The following RFX2 variants were observed in gnomAD, a reference collection of about 807,000 sequenced individuals.
RFX2 encodes regulatory factor X2.
A neutral mutation model predicts 87.8 loss-of-function variants in RFX2; 20 were observed. The observed-to-expected ratio is 0.23, with a 90% CI of 0.16 to 0.33. The LOEUF (loss-of-function observed/expected upper bound fraction) is 0.33, where lower values mean the gene tolerates loss of function less well. RFX2 is among the 10% of genes least tolerant of loss of function. RFX2 has a pLI of 1.00. For missense variants in RFX2, 767 were observed against 1,012.3 expected, an observed-to-expected ratio of 0.76 and a Z score of 3.29; for synonymous variants, 397 against 431.3, an observed-to-expected ratio of 0.92 and a Z score of 0.98.
Position 6,012,078 on chromosome 19 carries a change from T to C in RFX2, c.899+908A>G, listed in dbSNP as rs1176621946. 1.3e-5 allele frequency: 2 copies of C among 152,294 alleles called. No individual in the cohort carries two copies. The highest frequency in any genetic ancestry group is 2.4e-5 in the African/African-American group (1 of 41,486). 9.4% of individuals were successfully genotyped at this position (152,294 alleles called of 1,614,324 possible). A position where few individuals can be genotyped will look rare whatever the true frequency, so the allele number is the denominator to read the frequency against. On this transcript the variant is annotated intron_variant, in intron 8 of 17. Transcript: ENST00000303657. This position sits in a 1 kb window ranked among gnomAD's most constrained non-coding sequence, Gnocchi z 4.6. ...TTGAACAGTCATGACAGAGACTGTC[T>C]GGCCTGCAAGGCTAAGATATTTGCT...
intron 1 of RFX2, among the ~76,000 whole-genome samples, chr19:6,109,617 C>A (rs2088273883): frequency 1.3e-5 from 2 of 152,110 alleles, no homozygotes; most frequent in Non-Finnish European, 2.9e-5. Flanking sequence ...TCGAGGTCCC[C>A]CCGATGCAAG....
chr19:6,074,318 C>T lies in RFX2; in HGVS notation c.-8-26814G>A, dbSNP rs2087654093. Among the ~76,000 whole-genome samples, 1 of 152,182 alleles carries T rather than the reference C, an allele frequency of 6.6e-6. No homozygotes were observed. The highest frequency in any genetic ancestry group is 1.5e-5 in the Non-Finnish European group (1 of 68,034). ...TCCTCCTCTCATCCCAAGCTAGCCCCTTCCTAACCTCAAGTCAACGAGAAG... is the reference window on the plus strand; with the variant it reads ...TCCTCCTCTCATCCCAAGCTAGCCCTTTCCTAACCTCAAGTCAACGAGAAG... On this transcript the variant is annotated intron_variant, in intron 1 of 17. Transcript: ENST00000303657. The surrounding 1 kb of genome is among the most constrained non-coding windows in gnomAD (Gnocchi z 5.2).
In RFX2 at chr19:6,052,278, A is replaced by T. The variant is rs544481298; in HGVS notation, c.-8-4774T>A. Among the ~76,000 whole-genome samples, 39 of 152,324 alleles carry T rather than the reference A, an allele frequency of 2.6e-4. 2 individuals carry two copies. The South Asian group carries it at 5.6e-3, about 22-fold the overall frequency. On this transcript the variant is annotated intron_variant, in intron 1 of 17. Coordinates refer to ENST00000303657, the MANE Select transcript of RFX2 (RefSeq NM_000635.4). The stretch of plus-strand genomic sequence containing the variant: ...GCAATACTAGAGACATTGACAAGAC[A>T]AGGAATATTACTGCAGATAAAATTT...
At chr19:6,038,629 A>G (rs1365449612) in intron 5 of RFX2, among the ~76,000 whole-genome samples, 5 of 152,200 alleles carry the variant, frequency 3.3e-5, no homozygotes, top group Non-Finnish European at 1.5e-5. Flanking sequence ...AATTCTCAAA[A>G]CTCAACCATA....
In RFX2 at chr19:5,993,471, T is replaced by TTAG. The variant is rs1191946738; in HGVS notation, c.*1361_*1363dup. 6.6e-6 allele frequency: 1 copy of TTAG among 152,226 alleles called. No homozygotes were observed. The allele number at this position is 152,226 out of a possible 1,614,324, so 9.4% of individuals were successfully genotyped here. ...TTTTTAAAGGCCACGTGAGCTGACA[T>TTAG]TAGTACCTTCTGTGTGAATGAGAAC... On this transcript the variant is annotated 3_prime_UTR_variant, in exon 18 of 18. Transcript: ENST00000303657.
In RFX2 at chr19:6,083,213, A is replaced by G. The variant is rs1164030798; in HGVS notation, c.-9+27180T>C. Among the ~76,000 whole-genome samples, 1 of 152,134 alleles carries G rather than the reference A, an allele frequency of 6.6e-6. No individual in the cohort carries two copies. The highest frequency in any genetic ancestry group is 2.4e-5 in the African/African-American group (1 of 41,418). On this transcript the variant is annotated intron_variant, in intron 1 of 17. Coordinates refer to ENST00000303657, the MANE Select transcript of RFX2 (RefSeq NM_000635.4). The surrounding 1 kb of genome is among the most constrained non-coding windows in gnomAD (Gnocchi z 4.6). ...TGAGCCACTGTGCCCGGCCTTCATC[A>G]TGAAATTTTTTGGCATTTATTTTGA...
chr19:6,003,270 G>A (rs2086519630), intron 13 of RFX2, among the ~76,000 whole-genome samples: 1 of 152,020 alleles, frequency 6.6e-6, no homozygotes, highest in Admixed American at 6.5e-5. Context: ...GCTTGTTGTT[G>A]CCCAGGCTGG....
At chr19:6,070,421 G>A (rs1443894051) in intron 1 of RFX2, among the ~76,000 whole-genome samples, 1 of 152,038 alleles carries the variant, frequency 6.6e-6, no homozygotes, top group African/African-American at 2.4e-5. Context: ...CTTCATCCAT[G>A]GAATCCCTGT....
In RFX2 at chr19:6,004,195, A is replaced by G; in HGVS notation, c.1500+6T>C. The G allele has an allele frequency of 6.2e-7, 1 of 1,611,904 alleles. No homozygotes were observed. Among genetic ancestry groups the G allele is most frequent in the Non-Finnish European group, 8.5e-7 (1 of 1,178,084 alleles). The stretch of plus-strand genomic sequence containing the variant: ...TTGGGGAGCCCAGGCCCCACCCCGG[A>G]CGCACCTTGGTCTGGATGACCTGTT... On this transcript the variant is annotated splice_donor_region_variant and intron_variant, in intron 13 of 17. Coordinates refer to ENST00000303657, the MANE Select transcript of RFX2 (RefSeq NM_000635.4). This position sits in a 1 kb window ranked among gnomAD's most constrained non-coding sequence, Gnocchi z 4.8.
At chr19:6,005,577 A>T (rs2086569532) in intron 12 of RFX2, among the ~76,000 whole-genome samples, 1 of 152,006 alleles carries the variant, frequency 6.6e-6, no homozygotes, top group Non-Finnish European at 1.5e-5. Context: ...GGCACGAGTG[A>T]TCTCTGCCGT....
rs144326156 is a variant in RFX2 at position 6,051,909 on chromosome 19, G to A, written c.-8-4405C>T. ...ATTTATTTTTTTGAGATGGAGTCTC[G>A]CTCTGTTGCCCAGGCTGGAGTGCAG... On this transcript the variant is annotated intron_variant, in intron 1 of 17. Coordinates refer to ENST00000303657, the MANE Select transcript of RFX2 (RefSeq NM_000635.4). 6.5e-3 allele frequency among the ~76,000 whole-genome samples: 983 copies of A among 152,074 alleles called. 6 individuals are homozygous for A. In the Middle Eastern group the frequency reaches 0.078, roughly 12 times the overall value.
intron 1 of RFX2, among the ~76,000 whole-genome samples, chr19:6,076,462 C>A (rs2087693907): frequency 6.6e-6 from 1 of 152,186 alleles, no homozygotes; most frequent in South Asian, 2.1e-4. Context: ...GGGTCCGGTG[C>A]CTGGGTCCAG....
At chr19:6,019,057 A>G (rs965948551) in intron 6 of RFX2, among the ~76,000 whole-genome samples, 1 of 144,150 alleles carries the variant, frequency 6.9e-6, no homozygotes, top group Non-Finnish European at 1.5e-5. Context: ...AGTGTCCCCC[A>G]CCCCCCCGCC....
At chr19:6,107,896 T>C (rs2088244835) in intron 1 of RFX2, among the ~76,000 whole-genome samples, 1 of 152,228 alleles carries the variant, frequency 6.6e-6, no homozygotes, top group African/African-American at 2.4e-5. Context: ...ATTATATTGT[T>C]GTATTTAAAT....
At chr19:6,032,601 C>T (rs902325974) in intron 5 of RFX2, among the ~76,000 whole-genome samples, 4 of 152,144 alleles carry the variant, frequency 2.6e-5, no homozygotes, top group Admixed American at 2.6e-4. Context: ...CATTTTAATC[C>T]CTTTGTCTGT....
chr19:6,103,465 C>T (rs1045997827), intron 1 of RFX2, among the ~76,000 whole-genome samples: 46 of 152,274 alleles, frequency 3.0e-4, no homozygotes, highest in African/African-American at 9.9e-4. Flanking sequence ...AGTCCTGGCA[C>T]GAAGACCAGG....
chr19:6,016,139 G>C lies in RFX2; in HGVS notation c.730C>G (p.Leu244Val), dbSNP rs1476468859. 2.5e-6 allele frequency: 4 copies of C among 1,613,952 alleles called. No homozygotes were observed. Among genetic ancestry groups the C allele is most frequent in the Non-Finnish European group, 3.4e-6 (4 of 1,179,950 alleles). ...AGCCCCATAAACACAGAACGGATCA[G>C]TTTCCCGAAGGAGGCGGCGTTCACT... ...DPVNAASFGK[L>V]IRSVFMGLRT... The change falls in exon 7 of 18, where the codon CTG becomes GTG. Residue 244 changes from leucine to valine, a missense_variant. Physicochemically the swap from Leu to Val is conservative, Grantham distance 32. This residue lies in a region of RFX2 where 621 missense variants were observed against 873.0 expected (regional missense o/e 0.71). Transcript: ENST00000303657. The surrounding 1 kb of genome is among the most constrained non-coding windows in gnomAD (Gnocchi z 5.4).
At position 6,061,978 on chromosome 19, in the gene RFX2, C is replaced by T. The variant is rs1389317807; in HGVS notation, c.-8-14474G>A. Among the ~76,000 whole-genome samples, 2 of 151,962 alleles carry T rather than the reference C, an allele frequency of 1.3e-5. No homozygotes were observed. The highest frequency in any genetic ancestry group is 2.1e-4 in the South Asian group (1 of 4,824). ...GCAACATAGCGAGGCCCCATCTCTA[C>T]AAACAAACAAACAAACAACAACAAC... On this transcript the variant is annotated intron_variant, in intron 1 of 17. Transcript: ENST00000303657. This position sits in a 1 kb window ranked among gnomAD's most constrained non-coding sequence, Gnocchi z 5.2.
chr19:6,079,363 G>A (rs572759395), intron 1 of RFX2, among the ~76,000 whole-genome samples: 2 of 152,206 alleles, frequency 1.3e-5, no homozygotes, highest in African/African-American at 4.8e-5. Flanking sequence ...AGGAACAAAC[G>A]ACTGACACAC....
Sources: gnomAD v4.1 joint callset for allele counts (sites outside exome capture counted in the v4.1 genomes callset) on GRCh38, gnomAD v4.1.1 for gene constraint, gnomAD v4.1.1 regional missense constraint, Gnocchi (gnomAD v3.1) non-coding constraint, MANE v1.5 for transcripts, NCBI Gene and HGNC (gene_info 2026-07-23, HGNC 2026-07-21) for gene names.